Variants in SVIL observed in about 807,000 individuals in gnomAD.
SVIL encodes the protein archvillin.
A neutral mutation model predicts 240.4 loss-of-function variants in SVIL; 101 were observed. The ratio of observed to expected loss-of-function variants is 0.42; its 90% CI spans 0.36 to 0.50. The LOEUF is 0.50. Ranked by LOEUF, SVIL falls within the 20% of genes least tolerant of loss-of-function variation. SVIL has a pLI of 0.01. For missense variants in SVIL, 2,512 were observed against 2,818.7 expected (o/e 0.89, Z 2.46); for synonymous variants, 999 against 1,100.0 (o/e 0.91, Z 1.82).
At chr10:29,695,437 T>C (rs951022554) in intron 1 of SVIL, among the ~76,000 whole-genome samples, 8 of 152,148 alleles carry the variant, frequency 5.3e-5, no homozygotes, top group African/African-American at 1.9e-4. Context: ...CCTAAAGCTG[T>C]TGAAATTTTA....
intron 2 of SVIL, among the ~76,000 whole-genome samples, chr10:29,679,078 G>A (rs568376177): frequency 5.9e-5 from 9 of 152,256 alleles, no homozygotes; most frequent in East Asian, 1.9e-4. Context: ...GGTGGCGCAC[G>A]CCTGTAATCC....
intron 8 of SVIL, 24 bp from the exon 9 acceptor site, chr10:29,532,196 G>A: frequency 2.5e-6 from 4 of 1,603,608 alleles, no homozygotes; most frequent in Non-Finnish European, 3.4e-6. Context: ...AGGGCAGAGA[G>A]TATAAGGAAG....
intron 21 of SVIL, among the ~76,000 whole-genome samples, chr10:29,492,198 G>T (rs1812274): frequency 0.4 from 60,437 of 151,740 alleles, 14,165 homozygotes; most frequent in African/African-American, 0.64. Flanking sequence ...TACCCAGTCA[G>T]CATCTTCTAT....
chr10:29,616,528 T>C (rs1427514238), intron 1 of SVIL, among the ~76,000 whole-genome samples: 1 of 152,228 alleles, frequency 6.6e-6, no homozygotes, highest in African/African-American at 2.4e-5. Flanking sequence ...TGTACTGCAC[T>C]GATATTTTTT....
At position 29,484,809 on chromosome 10, in the gene SVIL, C is replaced by T. The variant is rs1422183427; in HGVS notation, c.4802G>A (p.Ser1601Asn). 5 of 1,610,832 alleles carry T rather than the reference C, an allele frequency of 3.1e-6. No individual in the cohort carries two copies. In the Admixed American group the frequency reaches 8.4e-5, roughly 27 times the overall value. ...TTTCCCATGCCATACGTAAACTTCACTACCAAAATCAAACACCAGTACCTG... is the reference window on the plus strand; with the variant it reads ...TTTCCCATGCCATACGTAAACTTCATTACCAAAATCAAACACCAGTACCTG... ...PKEVLVFDFG[S>N]EVYVWHGKEV... Residue 1601 changes from serine (S) to asparagine (N), a missense_variant, in exon 27 of 38, where the codon AGT becomes AAT. Ser to Asn is a conservative substitution (Grantham distance 46). Transcript: ENST00000355867. The surrounding 1 kb of genome is among the most constrained non-coding windows in gnomAD (Gnocchi z 4.7).
chr10:29,709,461 C>T (rs1264794076), intron 1 of SVIL, among the ~76,000 whole-genome samples: 1 of 152,252 alleles, frequency 6.6e-6, no homozygotes, highest in African/African-American at 2.4e-5. Flanking sequence ...CTCTCAGCTG[C>T]AGATACCCTT....
intron 23 of SVIL, among the ~76,000 whole-genome samples, chr10:29,488,089 G>A (rs1396451980): frequency 2.0e-5 from 3 of 152,048 alleles, no homozygotes; most frequent in Non-Finnish European, 4.4e-5. Context: ...CCCTTGCTAC[G>A]GACAGGAAGG....
At chr10:29,605,718 TA>T (rs961126967) in intron 1 of SVIL, among the ~76,000 whole-genome samples, 5 of 39,758 alleles carry the variant, frequency 1.3e-4, no homozygotes, top group Non-Finnish European at 2.6e-4. Context: ...TATATTCAAA[TA>T]TATATATATA....
chr10:29,496,459 G>A (rs1948450420), intron 18 of SVIL: 2 of 453,614 alleles, frequency 4.4e-6, no homozygotes, highest in South Asian at 1.6e-5. Context: ...CGTTAACTCC[G>A]CAGCTAATGA....
rs376296761 is a variant in SVIL, at chr10:29,486,591, A to G, written c.4486-34T>C. 25 of 1,613,486 alleles carry G rather than the reference A, an allele frequency of 1.5e-5. No homozygotes were observed. In the African/African-American group the frequency reaches 3.3e-4, roughly 22 times the overall value. On this transcript the variant is annotated intron_variant, in intron 24 of 37. Transcript: ENST00000355867. ...GAGAGGAACACAATTGCCTGGGTAG[A>G]AAAGCCCTTGGCTAGACAGAGTGGC...
intron 1 of SVIL, among the ~76,000 whole-genome samples, chr10:29,594,832 C>T (rs528808485): frequency 2.6e-5 from 4 of 152,368 alleles, no homozygotes; most frequent in African/African-American, 9.6e-5. Flanking sequence ...ATTGGGATTA[C>T]AGGCGTAAGC....
chr10:29,497,614 T>C (rs149675688), intron 18 of SVIL, among the ~76,000 whole-genome samples: 17 of 152,266 alleles, frequency 1.1e-4, no homozygotes, highest in African/African-American at 4.1e-4. Flanking sequence ...TGAGGACATA[T>C]TTTAGACATC....
In SVIL at chr10:29,569,324, G is replaced by T; in HGVS notation, c.-200-12C>A. 4 of 982,096 alleles carry T rather than the reference G, an allele frequency of 4.1e-6. No homozygotes were observed. The highest frequency in any genetic ancestry group is 4.7e-5 in the South Asian group (1 of 21,196). The allele number at this position is 982,096 out of a possible 1,614,324, so 60.8% of individuals were successfully genotyped here. ...TTTCTTGTTGAAATCTAAGGGAAAAGAAATAATGTAACATTGAAATAGTTA... is the reference window on the plus strand; with the variant it reads ...TTTCTTGTTGAAATCTAAGGGAAAATAAATAATGTAACATTGAAATAGTTA... On this transcript the variant is annotated splice_polypyrimidine_tract_variant and intron_variant, in intron 1 of 37. Transcript: ENST00000355867.
At chr10:29,672,838 C>A (rs1959887739) in intron 2 of SVIL, among the ~76,000 whole-genome samples, 1 of 151,848 alleles carries the variant, frequency 6.6e-6, no homozygotes, top group African/African-American at 2.4e-5. Flanking sequence ...GAAAAAATTC[C>A]ATATCTTGTT....
chr10:29,640,632 T>C (rs1958453033), intron 3 of SVIL, among the ~76,000 whole-genome samples: 1 of 152,174 alleles, frequency 6.6e-6, no homozygotes, highest in Non-Finnish European at 1.5e-5. Context: ...CCTGGTTTCC[T>C]ACCTGACCGC....
At chr10:29,529,995 A>AC (rs753507825) in intron 11 of SVIL, 151 bp from the exon 12 acceptor site, 28 of 743,606 alleles carry the variant, frequency 3.8e-5, no homozygotes, top group Admixed American at 1.0e-4. Context: ...ACAAAGTGAG[A>AC]CCCCCTCATC....
intron 18 of SVIL, chr10:29,496,357 A>C (rs1294636209): frequency 6.2e-5 from 28 of 453,558 alleles, no homozygotes; most frequent in Non-Finnish European, 1.2e-4. Flanking sequence ...TGATAAATAA[A>C]ATCTGGTATC....
At chr10:29,637,926 T>C (rs771716665), upstream of SVIL, among the ~76,000 whole-genome samples, 4 of 152,076 alleles carry the variant, frequency 2.6e-5, no homozygotes, top group Non-Finnish European at 5.9e-5. Flanking sequence ...ATTATAGAAA[T>C]GGAGAAGAGA....
chr10:29,608,545 T>C (rs1247426), intron 1 of SVIL, among the ~76,000 whole-genome samples: 64,008 of 152,170 alleles, frequency 0.42, 13,657 homozygotes, highest in African/African-American at 0.47. Context: ...CTGGGAAGCC[T>C]CCTATTCCTT....
Sources: allele counts gnomAD v4.1 joint callset (sites outside exome capture counted in the v4.1 genomes callset), GRCh38; gene constraint gnomAD v4.1.1; non-coding constraint Gnocchi (gnomAD v3.1); transcripts MANE v1.5; gene names NCBI Gene and HGNC (gene_info 2026-07-23, HGNC 2026-07-21).